Variants in QTGAL observed in about 807,000 individuals in gnomAD.
QTGAL encodes BGnT-like protein 1.
the QTGAL span, chr17:83,006,129 G>A: frequency 8.1e-6 from 8 of 988,364 alleles, no homozygotes; most frequent in South Asian, 9.3e-5. This position sits in a 1 kb window ranked among gnomAD's most constrained non-coding sequence, Gnocchi z 5.8. Flanking sequence ...CCCAGCGGAC[G>A]CAGCTGATTC....
chr17:82,999,773 T>C, the QTGAL span, among the ~76,000 whole-genome samples: 8,167 of 152,242 alleles, frequency 0.054, 292 homozygotes, highest in Non-Finnish European at 0.08. Context: ...CTACAGTACA[T>C]AGCAAGGAAT....
At chr17:82,990,617 A>C in the QTGAL span, among the ~76,000 whole-genome samples, 1 of 152,248 alleles carries the variant, frequency 6.6e-6, no homozygotes, top group South Asian at 2.1e-4. Flanking sequence ...TTGGGGATTC[A>C]GTTAGATGCT....
the QTGAL span, among the ~76,000 whole-genome samples, chr17:83,021,792 G>C: frequency 5.4e-4 from 82 of 152,286 alleles, no homozygotes; most frequent in African/African-American, 1.9e-3. Flanking sequence ...CTTTATTACT[G>C]CAGCTGCTAG....
the QTGAL span, among the ~76,000 whole-genome samples, chr17:82,958,149 GCTC>G: frequency 2.6e-5 from 4 of 152,170 alleles, no homozygotes; most frequent in African/African-American, 9.6e-5. Context: ...CCTCAACCCT[GCTC>G]CTGGAGCTGC....
the QTGAL span, among the ~76,000 whole-genome samples, chr17:83,026,115 C>T: frequency 5.9e-5 from 9 of 152,312 alleles, no homozygotes; most frequent in East Asian, 3.9e-4. Flanking sequence ...CACCATAACC[C>T]GTGACCAGGA....
chr17:83,051,691 G>A, the QTGAL span: 2 of 1,430,676 alleles, frequency 1.4e-6, no homozygotes, highest in Non-Finnish European at 1.8e-6. Context: ...GAGGGGACGC[G>A]AGGACCCAGC....
chr17:82,957,533 C>A, the QTGAL span: 2 of 1,568,782 alleles, frequency 1.3e-6, no homozygotes, highest in East Asian at 4.7e-5. Flanking sequence ...GCCGGAGGCC[C>A]CACAGATGCA....
At chr17:83,019,823 T>C in the QTGAL span, among the ~76,000 whole-genome samples, 2 of 152,148 alleles carry the variant, frequency 1.3e-5, no homozygotes, top group Non-Finnish European at 2.9e-5. Flanking sequence ...AACCTCCTTC[T>C]CCCAGGTTCA....
the QTGAL span, among the ~76,000 whole-genome samples, chr17:83,009,132 C>T: frequency 6.6e-6 from 1 of 151,788 alleles, no homozygotes; most frequent in Middle Eastern, 3.5e-3. Flanking sequence ...AGGGCTGGAA[C>T]GTAACTCAGG....
the QTGAL span, among the ~76,000 whole-genome samples, chr17:82,964,815 G>A: frequency 4.1e-5 from 4 of 97,796 alleles, no homozygotes; most frequent in African/African-American, 8.1e-5. Context: ...GGACACGGAC[G>A]CCTGCAGGTG....
the QTGAL span, among the ~76,000 whole-genome samples, chr17:82,999,967 T>C: frequency 0.32 from 48,659 of 151,922 alleles, 8,164 homozygotes; most frequent in East Asian, 0.4. Context: ...TTTTTTGTTT[T>C]GTTTTGTTTT....
chr17:83,047,728 T>C, the QTGAL span, among the ~76,000 whole-genome samples: 8,227 of 97,338 alleles, frequency 0.085, 273 homozygotes, highest in East Asian at 0.15. Context: ...TACCAAAGAA[T>C]AAGAAACTTA....
chr17:82,960,169 C>T, the QTGAL span, among the ~76,000 whole-genome samples: 1 of 152,166 alleles, frequency 6.6e-6, no homozygotes, highest in African/African-American at 2.4e-5. Context: ...ATGATGCCCC[C>T]AATGGGGAAG....
the QTGAL span, among the ~76,000 whole-genome samples, chr17:82,966,942 C>T: frequency 2.0e-5 from 3 of 152,170 alleles, no homozygotes; most frequent in Non-Finnish European, 2.9e-5. Context: ...GATGTACGTT[C>T]GGCGAACACT....
the QTGAL span, among the ~76,000 whole-genome samples, chr17:82,986,938 C>T: frequency 2.0e-5 from 3 of 152,274 alleles, no homozygotes; most frequent in East Asian, 1.9e-4. Context: ...TGGCTGCCCC[C>T]GCTCCTCCCT....
At chr17:83,050,455 A>T in the QTGAL span, among the ~76,000 whole-genome samples, 1 of 152,130 alleles carries the variant, frequency 6.6e-6, no homozygotes, top group Non-Finnish European at 1.5e-5. Context: ...TTAGAGGAAA[A>T]GAAGGAAATA....
At chr17:82,976,389 A>AAC in the QTGAL span, among the ~76,000 whole-genome samples, 2 of 37,556 alleles carry the variant, frequency 5.3e-5, no homozygotes, top group African/African-American at 2.3e-4. Flanking sequence ...CACTATGGAG[A>AAC]GTCAGGGCCC....
chr17:82,952,506 A>G, the QTGAL span, among the ~76,000 whole-genome samples: 1 of 152,228 alleles, frequency 6.6e-6, no homozygotes, highest in Non-Finnish European at 1.5e-5. Flanking sequence ...CAACAAGAAG[A>G]GCTAACTATC....
the QTGAL span, chr17:83,005,063 C>T: frequency 4.2e-5 from 61 of 1,444,246 alleles, no homozygotes; most frequent in East Asian, 2.5e-4. This position sits in a 1 kb window ranked among gnomAD's most constrained non-coding sequence, Gnocchi z 5.6. Context: ...CATGAGATGG[C>T]GCCCAGAGGC....
Sources: allele counts gnomAD v4.1 joint callset (sites outside exome capture counted in the v4.1 genomes callset), GRCh38; gene constraint gnomAD v4.1.1; non-coding constraint Gnocchi (gnomAD v3.1); transcripts MANE v1.5; gene names NCBI Gene and HGNC (gene_info 2026-07-23, HGNC 2026-07-21).